The following DMD variants were observed in gnomAD, a reference collection of about 807,000 sequenced individuals.
DMD encodes the protein mutant dystrophin.
DMD carries 63 observed loss-of-function variants against 330.1 expected under a neutral mutation model. The observed-to-expected ratio is 0.19, with a 90% CI of 0.16 to 0.24. DMD has a LOEUF of 0.24. Ranked by LOEUF, DMD falls within the 10% of genes least tolerant of loss-of-function variation. The pLI is 1.00. For missense variants in DMD, 3,344 were observed against 2,684.1 expected, an observed-to-expected ratio of 1.25 and a Z score of -5.43; for synonymous variants, 1,223 against 959.8, an observed-to-expected ratio of 1.27 and a Z score of -5.07.
At chrX:32,575,283 G>A (rs147578328) in intron 13 of DMD, among the ~76,000 whole-genome samples, 3,645 of 111,450 alleles carry the variant, frequency 0.033, 139 homozygotes, top group African/African-American at 0.11. Context: ...ATACACGCAT[G>A]GGTAAACAGA....
chrX:31,613,867 C>A (rs2148320180), intron 55 of DMD, among the ~76,000 whole-genome samples: 1 of 111,910 alleles, frequency 8.9e-6, no homozygotes, highest in Admixed American at 9.5e-5. Context: ...TCTTAAAAGT[C>A]ACATTCAGGA....
At chrX:31,237,732 T>G (rs2047870864) in intron 63 of DMD, among the ~76,000 whole-genome samples, 2 of 111,507 alleles carry the variant, frequency 1.8e-5, no homozygotes, top group South Asian at 7.6e-4. Context: ...TTATTTTTAT[T>G]TTTTTTAGAC....
chrX:32,109,733 T>C (rs2096580910), intron 44 of DMD, among the ~76,000 whole-genome samples: 1 of 111,523 alleles, frequency 9.0e-6, no homozygotes, highest in South Asian at 3.7e-4. Context: ...GTGTGTGTAA[T>C]CATAAAGTTT....
chrX:32,081,836 G>A lies in DMD; in HGVS notation c.6439-113322C>T, dbSNP rs181279297. Among the ~76,000 whole-genome samples the A allele has an allele frequency of 5.2e-4, 57 of 110,296 alleles. No homozygotes were observed. In the East Asian group the frequency reaches 0.014, roughly 26 times the overall value. On this transcript the variant is annotated intron_variant, in intron 44 of 78. Transcript: ENST00000357033. ...GCCATTACACTCCAACATGGACAACGAGAGCAAAATTCTGTCTAAAATAAT... is the reference window on the plus strand; with the variant it reads ...GCCATTACACTCCAACATGGACAACAAGAGCAAAATTCTGTCTAAAATAAT...
At chrX:33,285,885 A>G (rs1317401402) in intron 1 of DMD, among the ~76,000 whole-genome samples, 1 of 112,247 alleles carries the variant, frequency 8.9e-6, no homozygotes. Context: ...GATAATCCAG[A>G]GTATGCACAA....
intron 41 of DMD, among the ~76,000 whole-genome samples, chrX:32,341,594 TAAG>T (rs1207678868): frequency 8.9e-6 from 1 of 111,984 alleles, no homozygotes; most frequent in African/African-American, 3.2e-5. Context: ...TGTAACCCAT[TAAG>T]TAGTTAAACC....
intron 7 of DMD, among the ~76,000 whole-genome samples, chrX:32,725,693 G>A (rs2066795134): frequency 9.0e-6 from 1 of 111,113 alleles, no homozygotes; most frequent in African/African-American, 3.3e-5. Flanking sequence ...GGCTGAGTAG[G>A]GTACTAGGGG....
At chrX:32,604,965 T>G (rs1340042625) in intron 12 of DMD, among the ~76,000 whole-genome samples, 3 of 111,199 alleles carry the variant, frequency 2.7e-5, no homozygotes, top group Admixed American at 9.6e-5. Flanking sequence ...ATTGTTAAAA[T>G]AACCACACTG....
intron 2 of DMD, among the ~76,000 whole-genome samples, chrX:32,991,548 T>A (rs2092975984): frequency 8.9e-6 from 1 of 112,442 alleles, no homozygotes; most frequent in African/African-American, 3.2e-5. Flanking sequence ...TTACTTTCAC[T>A]AATTTAAATT....
intron 30 of DMD, among the ~76,000 whole-genome samples, chrX:32,408,909 T>TCC (rs1569561567): frequency 3.7e-4 from 37 of 100,412 alleles, no homozygotes; most frequent in African/African-American, 1.5e-3. Context: ...TCTATCTATC[T>TCC]ATCCATCCAT....
At position 33,009,613 on chromosome X, in the gene DMD, T is replaced by TGTGTGTATGTGTATATGTGTATATACAC. The variant is rs1460596138; in HGVS notation, c.93+10525_93+10526insGTGTATATACACATATACACATACACAC. On this transcript the variant is annotated intron_variant, in intron 2 of 78. Transcript: ENST00000357033. ...GTATGTGTGTATGTGTATATACACA[T>TGTGTGTATGTGTATATGTGTATATACAC]ATGTGTGTATGTGTGTATGTGTATA... Among the ~76,000 whole-genome samples the TGTGTGTATGTGTATATGTGTATATACAC allele has an allele frequency of 4.0e-5, 2 of 50,030 alleles. 1 individual carries two copies. Among genetic ancestry groups the TGTGTGTATGTGTATATGTGTATATACAC allele is most frequent in the African/African-American group, 1.4e-4 (2 of 14,525 alleles). 43.4% of individuals were successfully genotyped at this position (50,030 alleles called of 115,157 possible).
intron 62 of DMD, among the ~76,000 whole-genome samples, chrX:31,309,576 T>G (rs2055315759): frequency 9.0e-6 from 1 of 111,649 alleles, no homozygotes; most frequent in East Asian, 2.8e-4. Flanking sequence ...AACATTTGGA[T>G]CTCACATCAG....
intron 9 of DMD, among the ~76,000 whole-genome samples, chrX:32,664,996 G>C (rs1465647106): frequency 8.9e-6 from 1 of 111,996 alleles, no homozygotes; most frequent in Non-Finnish European, 1.9e-5. Flanking sequence ...TGGTGCCTTA[G>C]AAATCAAAGA....
At chrX:32,396,802 C>A (rs762362788) in intron 30 of DMD, among the ~76,000 whole-genome samples, 1 of 111,599 alleles carries the variant, frequency 9.0e-6, no homozygotes, top group South Asian at 3.7e-4. Context: ...CATCTTTACA[C>A]ATTAATTCCA....
chrX:33,045,065 G>A (rs745546540), intron 1 of DMD, among the ~76,000 whole-genome samples: 1 of 110,621 alleles, frequency 9.0e-6, no homozygotes, highest in Non-Finnish European at 1.9e-5. Context: ...AAAGGGGGGT[G>A]GGGAAAGTCC....
chrX:32,243,240 T>G (rs766400179), intron 43 of DMD, among the ~76,000 whole-genome samples: 1 of 110,921 alleles, frequency 9.0e-6, no homozygotes, highest in Non-Finnish European at 1.9e-5. Context: ...TCAAAAGTGC[T>G]TGGGTTGATG....
intron 4 of DMD, among the ~76,000 whole-genome samples, chrX:32,830,399 TGTGAA>T (rs1433394218): frequency 3.6e-5 from 4 of 111,304 alleles, no homozygotes; most frequent in Admixed American, 1.9e-4. Flanking sequence ...TTAAAATCTG[TGTGAA>T]GTGAATGATT....
intron 13 of DMD, among the ~76,000 whole-genome samples, chrX:32,575,117 C>T (rs1209830651): frequency 9.0e-6 from 1 of 110,917 alleles, no homozygotes; most frequent in African/African-American, 3.3e-5. Context: ...AGGCTGCTCT[C>T]GAACTCCTGA....
Position 31,121,121 on chromosome X carries a change from A to C in DMD, c.*798T>G, listed in dbSNP as rs2032404253. The C allele has an allele frequency of 8.9e-6, 1 of 112,132 alleles. No individual in the cohort carries two copies. The highest frequency in any genetic ancestry group is 3.7e-4 in the South Asian group (1 of 2,692). The allele number at this position is 112,132 out of a possible 1,213,427, so 9.2% of individuals were successfully genotyped here. On this transcript the variant is annotated 3_prime_UTR_variant, in exon 79 of 79. Transcript: ENST00000357033. ...AGGTAAGCCTGGATGACTGACTAGA[A>C]GTAATTTCTTTCTATTAGGATGTGA...
Sources: gnomAD v4.1 joint callset for allele counts (sites outside exome capture counted in the v4.1 genomes callset) on GRCh38, gnomAD v4.1.1 for gene constraint, MANE v1.5 for transcripts, NCBI Gene and HGNC (gene_info 2026-07-23, HGNC 2026-07-21) for gene names.